Variants in MYO9B observed in about 807,000 individuals in gnomAD.
MYO9B encodes unconventional myosin-IXb.
A neutral mutation model predicts 229.5 loss-of-function variants in MYO9B; 71 were observed. The ratio of observed to expected loss-of-function variants is 0.31; its 90% CI spans 0.26 to 0.38. MYO9B has a LOEUF of 0.38. Among genes scored for constraint, MYO9B ranks in the 10% least tolerant of loss-of-function variants. The pLI, the probability that MYO9B is intolerant of heterozygous loss-of-function variation, is 1.00. For missense variants in MYO9B, 2,255 were observed against 2,920.5 expected, an observed-to-expected ratio of 0.77 and a Z score of 5.25; for synonymous variants, 1,185 against 1,235.8, an observed-to-expected ratio of 0.96 and a Z score of 0.86.
At position 17,210,350 on chromosome 19, in the gene MYO9B, G is replaced by T. The variant is rs1195239714; in HGVS notation, c.5766G>T (p.Leu1922=). 1 of 1,599,308 alleles carries T rather than the reference G, an allele frequency of 6.3e-7. No individual in the cohort carries two copies. Among genetic ancestry groups the T allele is most frequent in the Non-Finnish European group, 8.5e-7 (1 of 1,172,752 alleles). ...LRQNAPWPLK[L]GFSSPYEGVL... is the part of the protein sequence containing the mutation. The stretch of plus-strand genomic sequence containing the variant: ...TCTCCCAGCCATGGCCTCTCAAACT[G>T]GGGTTTTCGTCTCCCTATGAGGGGG... The change falls in exon 37 of 40, where the codon CTG becomes CTT. Residue 1922 remains leucine, a synonymous_variant. Transcript: ENST00000682292.
intron 22 of MYO9B, among the ~76,000 whole-genome samples, chr19:17,196,683 C>CAAA (rs1279205797): frequency 1.0e-5 from 1 of 97,174 alleles, no homozygotes. Flanking sequence ...GACTCCGTCT[C>CAAA]AAAAAAAAAA....
In MYO9B at chr19:17,145,254, T is replaced by G. The variant is rs1419660971; in HGVS notation, c.841-143T>G. ...TTGTGCCACTTCACTCCAGCCCAGG[T>G]GACAGAACAAGACTGTCTCCAAGAG... is the stretch of plus-strand genomic sequence containing the variant. On this transcript the variant is annotated intron_variant, in intron 2 of 39. Transcript: ENST00000682292. 3.9e-6 allele frequency: 3 copies of G among 769,792 alleles called. No individual in the cohort carries two copies. The African/African-American group carries it at 5.3e-5, about 14-fold the overall frequency. 47.7% of individuals were successfully genotyped at this position (769,792 alleles called of 1,614,324 possible). A position where few individuals can be genotyped will look rare whatever the true frequency, so the allele number is the denominator to read the frequency against.
intron 2 of MYO9B, among the ~76,000 whole-genome samples, chr19:17,119,906 C>A (rs1275523872): frequency 6.6e-6 from 1 of 152,150 alleles, no homozygotes; most frequent in Non-Finnish European, 1.5e-5. Context: ...CCTCGGCCTC[C>A]CAAAGTGCAG....
chr19:17,145,545 T>C, intron 3 of MYO9B, 54 bp downstream of exon 3: 1 of 1,413,990 alleles, frequency 7.1e-7, no homozygotes, highest in Non-Finnish European at 1.0e-6. Flanking sequence ...GCACTGTTGC[T>C]TCCTGACACA....
intron 3 of MYO9B, among the ~76,000 whole-genome samples, chr19:17,147,701 T>G (rs1377624638): frequency 9.6e-6 from 1 of 104,404 alleles, no homozygotes; most frequent in African/African-American, 5.1e-5. Context: ...TTTTTTTTTT[T>G]TGAGACAGAG....
At chr19:17,094,291 T>C (rs927753097) in intron 1 of MYO9B, among the ~76,000 whole-genome samples, 13 of 151,876 alleles carry the variant, frequency 8.6e-5, no homozygotes, top group African/African-American at 3.1e-4. Context: ...CACCTTGGCC[T>C]CTCAAAGTAC....
chr19:17,100,183 T>C (rs2057731722), intron 1 of MYO9B, among the ~76,000 whole-genome samples: 2 of 148,108 alleles, frequency 1.4e-5, no homozygotes, highest in Admixed American at 1.3e-4. Flanking sequence ...AAACCTGCAC[T>C]TGTAGGCCAG....
At chr19:17,210,009 C>G (rs1369406793) in intron 36 of MYO9B, among the ~76,000 whole-genome samples, 2 of 152,184 alleles carry the variant, frequency 1.3e-5, no homozygotes, top group Non-Finnish European at 2.9e-5. Context: ...CTGCCTTGAA[C>G]GAAAGACGAT....
chr19:17,184,702 G>C, intron 16 of MYO9B, 163 bp from the exon 17 acceptor site: 1 of 821,304 alleles, frequency 1.2e-6, no homozygotes, highest in Admixed American at 2.8e-5. Context: ...CATTCCACTG[G>C]GCCCACATCA....
chr19:17,183,030 TC>T (rs2072878713), intron 15 of MYO9B, among the ~76,000 whole-genome samples: 1 of 152,112 alleles, frequency 6.6e-6, no homozygotes, highest in Non-Finnish European at 1.5e-5. Flanking sequence ...GAAGCAGTTC[TC>T]CTGCCTCAGT....
At chr19:17,202,642 G>A (rs1296877741) in intron 28 of MYO9B, among the ~76,000 whole-genome samples, 200 bp from the exon 29 acceptor site, 1 of 152,162 alleles carries the variant, frequency 6.6e-6, no homozygotes, top group Non-Finnish European at 1.5e-5. Context: ...CCTACCTCCT[G>A]GTGGGGAGCC....
chr19:17,103,162 G>A (rs2057762022), intron 2 of MYO9B: 1 of 152,260 alleles, frequency 6.6e-6, no homozygotes, highest in Admixed American at 6.5e-5. Context: ...TTGGAGCTAT[G>A]ATTGCACTAC....
intron 2 of MYO9B, among the ~76,000 whole-genome samples, chr19:17,125,782 C>T (rs1364984795): frequency 1.3e-5 from 2 of 152,284 alleles, no homozygotes; most frequent in East Asian, 1.9e-4. Context: ...GAGAGCCTGC[C>T]GGGGTGCCCC....
chr19:17,163,533 A>C (rs113094091), intron 10 of MYO9B, among the ~76,000 whole-genome samples: 2 of 151,656 alleles, frequency 1.3e-5, no homozygotes, highest in African/African-American at 4.8e-5. Context: ...ATGCCTGGCT[A>C]ATTTTTGTAT....
Position 17,172,491 on chromosome 19 carries a change from C to CA in MYO9B, c.1935+15dup, listed in dbSNP as rs760755776. On this transcript the variant is annotated intron_variant, in intron 12 of 39. Transcript: ENST00000682292. This position sits in a 1 kb window ranked among gnomAD's most constrained non-coding sequence, Gnocchi z 8.2. ...TATCAGATCAAGGTAGGTGTCTGCCCATCACCACTGGTGGAAGCCTGAGGG... is the reference window on the plus strand; with the variant it reads ...TATCAGATCAAGGTAGGTGTCTGCCCAATCACCACTGGTGGAAGCCTGAGGG... 3.1e-6 allele frequency: 5 copies of CA among 1,612,394 alleles called. No individual in the cohort carries two copies. In the South Asian group the frequency reaches 4.4e-5, roughly 14 times the overall value.
intron 1 of MYO9B, among the ~76,000 whole-genome samples, chr19:17,084,778 ACCTGTAATCCCAG>A (rs2057567182): frequency 6.6e-6 from 1 of 151,732 alleles, no homozygotes; most frequent in South Asian, 2.1e-4. Context: ...GGTGTGGTGC[ACCTGTAATCCCAG>A]CTACTTGGGA....
intron 2 of MYO9B, among the ~76,000 whole-genome samples, chr19:17,123,232 A>G (rs2057981372): frequency 6.6e-6 from 1 of 152,222 alleles, no homozygotes; most frequent in South Asian, 2.1e-4. Flanking sequence ...AGGGGAAAGC[A>G]AGCACAGGTG....
chr19:17,083,349 A>G (rs1020566437), intron 1 of MYO9B, among the ~76,000 whole-genome samples: 2 of 151,984 alleles, frequency 1.3e-5, no homozygotes, highest in African/African-American at 4.8e-5. Context: ...ATTGATTTAA[A>G]GCATATCTTC....
chr19:17,202,825 CCTT>C lies in MYO9B; in HGVS notation c.4837-16_4837-14del, dbSNP rs777508992. The C allele has an allele frequency of 3.2e-6, 5 of 1,584,508 alleles. No individual in the cohort carries two copies. The highest frequency in any genetic ancestry group is 2.3e-5 in the South Asian group (2 of 86,796). On this transcript the variant is annotated splice_polypyrimidine_tract_variant and intron_variant, in intron 28 of 39. Transcript: ENST00000682292. Reference sequence around the variant, plus strand: ...CCAGGGGGGCCCCCGCCAACCTCCTCCTTGTGTTCCTCACAGCAGAGCAAAGCT... The same window carrying C: ...CCAGGGGGGCCCCCGCCAACCTCCTCGTGTTCCTCACAGCAGAGCAAAGCT...
Sources: allele counts gnomAD v4.1 joint callset (sites outside exome capture counted in the v4.1 genomes callset), GRCh38; gene constraint gnomAD v4.1.1; non-coding constraint Gnocchi (gnomAD v3.1); transcripts MANE v1.5; gene names NCBI Gene and HGNC (gene_info 2026-07-23, HGNC 2026-07-21).